The following CFAP44 variants were observed in gnomAD, a reference collection of about 807,000 sequenced individuals.
CFAP44 encodes the protein cilia- and flagella-associated protein 44.
In CFAP44, 134 loss-of-function variants were observed where a neutral mutation model predicts 216.2. The observed-to-expected ratio is 0.62, with a 90% CI of 0.54 to 0.72. CFAP44 has a LOEUF of 0.72. Ranked by LOEUF, CFAP44 falls within the 30% of genes least tolerant of loss-of-function variation. The probability of loss-of-function intolerance (pLI) is 0.00; values close to 1 mark genes in which losing one functional copy is unlikely to be tolerated. For missense variants in CFAP44, 2,035 were observed against 2,182.1 expected (o/e 0.93, Z 1.34); for synonymous variants, 700 against 727.6 (o/e 0.96, Z 0.61).
chr3:113,357,439 AGGGAGAACAC>A, intron 22 of CFAP44, among the ~76,000 whole-genome samples: 1 of 152,208 alleles, frequency 6.6e-6, no homozygotes, highest in Non-Finnish European at 1.5e-5. Context: ...GAAGAGACAC[AGGGAGAACAC>A]TGAGTGAAAG....
intron 22 of CFAP44, among the ~76,000 whole-genome samples, chr3:113,346,981 C>A (rs1319172982): frequency 6.6e-6 from 1 of 152,180 alleles, no homozygotes; most frequent in African/African-American, 2.4e-5. Flanking sequence ...GTCAGCGAGA[C>A]CAAGAACCCA....
chr3:113,424,334 G>C (rs148027382), intron 4 of CFAP44, among the ~76,000 whole-genome samples: 6,208 of 152,220 alleles, frequency 0.041, 417 homozygotes, highest in African/African-American at 0.14. Flanking sequence ...TACTCGGGAG[G>C]CTGAGGCAGG....
chr3:113,411,726 C>T (rs1227859534), intron 6 of CFAP44, among the ~76,000 whole-genome samples: 1 of 152,102 alleles, frequency 6.6e-6, no homozygotes, highest in Non-Finnish European at 1.5e-5. Context: ...TATAAATTAC[C>T]TTGGGCAGTA....
In CFAP44 at chr3:113,291,225, G is replaced by C. The variant is rs996458048; in HGVS notation, c.*332C>G. 3.2e-5 allele frequency: 6 copies of C among 189,656 alleles called. No homozygotes were observed. Among genetic ancestry groups the C allele is most frequent in the Admixed American group, 1.6e-4 (3 of 18,344 alleles). The allele number at this position is 189,656 out of a possible 1,614,324, so 11.7% of individuals were successfully genotyped here. On this transcript the variant is annotated 3_prime_UTR_variant, in exon 35 of 35. Coordinates refer to ENST00000393845, the MANE Select transcript of CFAP44 (RefSeq NM_001164496.2). The stretch of plus-strand genomic sequence containing the variant: ...TTCTTGCCAAGGGCTAAAAATTCAG[G>C]ATACCCCCAAATCAAATTTTCCTAA...
intron 2 of CFAP44, among the ~76,000 whole-genome samples, chr3:113,430,310 A>G (rs1935069592): frequency 5.9e-5 from 9 of 151,710 alleles, no homozygotes; most frequent in Admixed American, 5.9e-4. Flanking sequence ...AAATTGAGAT[A>G]TAGCTAAAGC....
chr3:113,432,912 T>C (rs140099087), intron 2 of CFAP44, among the ~76,000 whole-genome samples: 1 of 152,350 alleles, frequency 6.6e-6, no homozygotes, highest in Non-Finnish European at 1.5e-5. Context: ...AGATAATCTA[T>C]TATTTAACAT....
chr3:113,306,591 C>G (rs564387646), intron 29 of CFAP44, among the ~76,000 whole-genome samples: 11 of 152,296 alleles, frequency 7.2e-5, no homozygotes, highest in African/African-American at 2.6e-4. Flanking sequence ...TGTTATCTCA[C>G]TCAAGGCTCA....
chr3:113,433,737 A>G, intron 1 of CFAP44, 68 bp from the exon 2 acceptor site: 1 of 1,220,132 alleles, frequency 8.2e-7, no homozygotes, highest in South Asian at 1.2e-5. Context: ...ATTTCCCCCT[A>G]ACATATTTCA....
chr3:113,322,461 C>A (rs530645695), intron 28 of CFAP44, among the ~76,000 whole-genome samples: 123 of 152,248 alleles, frequency 8.1e-4, no homozygotes, highest in African/African-American at 2.8e-3. Context: ...AGATTACCTA[C>A]AAGCAGGCAA....
intron 6 of CFAP44, among the ~76,000 whole-genome samples, chr3:113,411,754 T>C (rs572852034): frequency 3.3e-5 from 5 of 152,352 alleles, no homozygotes; most frequent in East Asian, 3.9e-4. Flanking sequence ...GTTCATGATA[T>C]TGATTCTTCC....
chr3:113,305,187 G>C (rs1161511696), intron 30 of CFAP44, 35 bp from the exon 31 acceptor site: 1 of 1,501,718 alleles, frequency 6.7e-7, no homozygotes, highest in Non-Finnish European at 9.0e-7. Flanking sequence ...ATGGTGACAA[G>C]ACTCAATAAA....
At chr3:113,302,772 C>CAAAAAAAAAAAAAAA (rs57355375) in intron 32 of CFAP44, among the ~76,000 whole-genome samples, 8 of 44,492 alleles carry the variant, frequency 1.8e-4, no homozygotes, top group Non-Finnish European at 2.4e-4. Flanking sequence ...GACTCCATCT[C>CAAAAAAAAAAAAAAA]AAAAAAAAAA....
chr3:113,310,111 A>G (rs754746139), intron 28 of CFAP44, among the ~76,000 whole-genome samples: 44 of 152,294 alleles, frequency 2.9e-4, no homozygotes, highest in Admixed American at 1.0e-3. Context: ...GTGTTAGAGA[A>G]GGGCAAGCAG....
chr3:113,291,031 T>G lies in CFAP44; in HGVS notation c.*526A>C, dbSNP rs1949824394. On this transcript the variant is annotated 3_prime_UTR_variant, in exon 35 of 35. Transcript: ENST00000393845. Reference sequence around the variant, plus strand: ...AATCCTGAGCCCTCAAAACACTGCTTTATGAAGTCAACAATGCCAAAACTG... The same window carrying G: ...AATCCTGAGCCCTCAAAACACTGCTGTATGAAGTCAACAATGCCAAAACTG... The G allele has an allele frequency of 6.4e-6, 1 of 155,226 alleles. No homozygotes were observed. The highest frequency in any genetic ancestry group is 1.4e-5 in the Non-Finnish European group (1 of 69,798). 9.6% of individuals were successfully genotyped at this position (155,226 alleles called of 1,614,324 possible).
intron 15 of CFAP44, among the ~76,000 whole-genome samples, chr3:113,390,204 A>G (rs914417625): frequency 6.6e-6 from 1 of 152,228 alleles, no homozygotes; most frequent in Non-Finnish European, 1.5e-5. Flanking sequence ...ATGCAAATCA[A>G]TCAATGTGGT....
In CFAP44 at chr3:113,427,675, C is replaced by T. The variant is rs1003702441; in HGVS notation, c.101-336G>A. ...ACTAACTTTTATAGGGAACCTGTTA[C>T]GTTAAAGACAAACAAGCCTTATTGT... On this transcript the variant is annotated intron_variant, in intron 2 of 34. Transcript: ENST00000393845. 5.2e-5 allele frequency: 10 copies of T among 192,218 alleles called. No homozygotes were observed. The South Asian group carries it at 5.8e-4, about 11-fold the overall frequency. 11.9% of individuals were successfully genotyped at this position (192,218 alleles called of 1,614,324 possible).
At chr3:113,334,055 G>A (rs1013580116) in intron 24 of CFAP44, among the ~76,000 whole-genome samples, 3 of 151,612 alleles carry the variant, frequency 2.0e-5, no homozygotes, top group Non-Finnish European at 2.9e-5. Context: ...AGGTTCAAGC[G>A]ATTCTCCTGC....
chr3:113,291,262 T>C lies in CFAP44; in HGVS notation c.*295A>G, dbSNP rs1949826214. 4.0e-6 allele frequency: 1 copy of C among 248,032 alleles called. No homozygotes were observed. The highest frequency in any genetic ancestry group is 2.2e-5 in the African/African-American group (1 of 45,674). The allele number at this position is 248,032 out of a possible 1,614,324, so 15.4% of individuals were successfully genotyped here. On this transcript the variant is annotated 3_prime_UTR_variant, in exon 35 of 35. Coordinates refer to ENST00000393845, the MANE Select transcript of CFAP44 (RefSeq NM_001164496.2). Reference sequence around the variant, plus strand: ...TCAAATTTTCCTAAAACAAAATATATTACAGGTGATTTGCTGCAATCATGA... The same window carrying C: ...TCAAATTTTCCTAAAACAAAATATACTACAGGTGATTTGCTGCAATCATGA...
chr3:113,423,834 C>CA (rs1375221218), intron 4 of CFAP44, among the ~76,000 whole-genome samples: 1 of 152,192 alleles, frequency 6.6e-6, no homozygotes, highest in African/African-American at 2.4e-5. Flanking sequence ...GAGACTCCAG[C>CA]ACAGCCACGT....
Sources: gnomAD v4.1 joint callset for allele counts (sites outside exome capture counted in the v4.1 genomes callset) on GRCh38, gnomAD v4.1.1 for gene constraint, MANE v1.5 for transcripts, NCBI Gene and HGNC (gene_info 2026-07-23, HGNC 2026-07-21) for gene names.